FHIT: variants seen among roughly 807,000 people sequenced by gnomAD.
FHIT encodes the protein bis(5'-adenosyl)-triphosphatase.
Under a neutral mutation model 17.9 loss-of-function variants are expected in FHIT, and 19 were observed. The observed-to-expected ratio is 1.06, with a 90% CI of 0.74 to 1.56. FHIT has a LOEUF of 1.56. Among genes scored for constraint, FHIT ranks in the 40% most tolerant of loss-of-function variants. The pLI is 0.00. For missense variants in FHIT, 248 were observed against 189.2 expected (o/e 1.31, Z -1.82); for synonymous variants, 81 against 69.7 (o/e 1.16, Z -0.81).
At chr3:60,991,429 C>T (rs138136835) in intron 3 of FHIT, among the ~76,000 whole-genome samples, 2,557 of 152,262 alleles carry the variant, frequency 0.017, 28 homozygotes, top group Middle Eastern at 0.031. Flanking sequence ...GTTCAAATCT[C>T]GGAAATGATA....
chr3:60,310,036 C>A (rs538939831), intron 5 of FHIT, among the ~76,000 whole-genome samples: 2 of 152,248 alleles, frequency 1.3e-5, no homozygotes, highest in East Asian at 1.9e-4. Context: ...CACCTGCCTG[C>A]TGTCTGGAAT....
intron 5 of FHIT, among the ~76,000 whole-genome samples, chr3:60,302,188 C>T (rs1348225002): frequency 1.3e-5 from 2 of 152,006 alleles, no homozygotes; most frequent in African/African-American, 4.8e-5. Context: ...AGATATTGGT[C>T]ATTCTTTTTT....
intron 4 of FHIT, among the ~76,000 whole-genome samples, chr3:60,723,560 CTTG>C (rs2107969249): frequency 6.6e-6 from 1 of 152,322 alleles, no homozygotes; most frequent in Non-Finnish European, 1.5e-5. Context: ...ACACTTCAAA[CTTG>C]TTGTCGCAGC....
chr3:60,349,208 GCA>G, intron 5 of FHIT, among the ~76,000 whole-genome samples: 1 of 152,206 alleles, frequency 6.6e-6, no homozygotes, highest in Admixed American at 6.5e-5. Flanking sequence ...AAATTTGTAT[GCA>G]CAGTCTGAAT....
At chr3:60,143,066 T>C (rs1700105380) in intron 5 of FHIT, among the ~76,000 whole-genome samples, 1 of 152,140 alleles carries the variant, frequency 6.6e-6, no homozygotes, top group African/African-American at 2.4e-5. Flanking sequence ...TGCGGCACAA[T>C]TTTCAATATT....
chr3:59,928,407 T>C (rs748262925), intron 7 of FHIT, among the ~76,000 whole-genome samples: 39 of 152,244 alleles, frequency 2.6e-4, no homozygotes, highest in African/African-American at 8.2e-4. Context: ...ATCATCAAAA[T>C]TGTAAACTTT....
At chr3:61,147,304 A>G (rs1001972700) in intron 2 of FHIT, among the ~76,000 whole-genome samples, 7 of 152,068 alleles carry the variant, frequency 4.6e-5, no homozygotes, top group Non-Finnish European at 7.4e-5. Flanking sequence ...CTTAGGCGAG[A>G]TAATAACTAT....
At chr3:60,722,860 T>C (rs1716747) in intron 4 of FHIT, among the ~76,000 whole-genome samples, 60,180 of 151,626 alleles carry the variant, frequency 0.4, 12,524 homozygotes, top group African/African-American at 0.51. Context: ...GTAACTGAGA[T>C]TACAGGCAGG....
intron 4 of FHIT, among the ~76,000 whole-genome samples, chr3:60,591,466 C>A (rs1467635656): frequency 2.0e-5 from 3 of 152,062 alleles, no homozygotes; most frequent in African/African-American, 7.2e-5. Context: ...TAGTTCCAAG[C>A]AAAGTCCCCA....
At chr3:60,914,258 T>C (rs782463584) in intron 3 of FHIT, among the ~76,000 whole-genome samples, 10 of 152,216 alleles carry the variant, frequency 6.6e-5, no homozygotes, top group Non-Finnish European at 1.5e-4. Flanking sequence ...CTTGTTATAA[T>C]ACAATTGGTA....
chr3:60,490,671 C>CA (rs377411602), intron 5 of FHIT, among the ~76,000 whole-genome samples: 550 of 125,052 alleles, frequency 4.4e-3, no homozygotes, highest in African/African-American at 1.0e-2. Flanking sequence ...TGATTTGTAC[C>CA]AAAAAAAAAA....
chr3:60,052,795 A>G (rs1388497389), intron 5 of FHIT, among the ~76,000 whole-genome samples: 2 of 148,368 alleles, frequency 1.3e-5, no homozygotes, highest in Admixed American at 6.8e-5. Flanking sequence ...TATAAATAGT[A>G]TATAAAATAT....
At chr3:60,042,538 T>C (rs755336022) in intron 5 of FHIT, among the ~76,000 whole-genome samples, 22 of 152,150 alleles carry the variant, frequency 1.4e-4, no homozygotes, top group African/African-American at 2.7e-4. Flanking sequence ...GTCTTCTTGA[T>C]GGATTTCCTC....
At chr3:60,944,334 C>CTTTT (rs10625111) in intron 3 of FHIT, among the ~76,000 whole-genome samples, 2 of 150,222 alleles carry the variant, frequency 1.3e-5, no homozygotes, top group Non-Finnish European at 3.0e-5. Context: ...CTGAGTTTGT[C>CTTTT]TTTTTTTTTT....
intron 4 of FHIT, among the ~76,000 whole-genome samples, chr3:60,692,686 C>T (rs782765348): frequency 6.6e-6 from 1 of 152,162 alleles, no homozygotes; most frequent in Non-Finnish European, 1.5e-5. Context: ...AAACTTCTGA[C>T]CTCCCAAACT....
At chr3:60,205,243 G>C (rs1283519786) in intron 5 of FHIT, among the ~76,000 whole-genome samples, 1 of 152,152 alleles carries the variant, frequency 6.6e-6, no homozygotes, top group African/African-American at 2.4e-5. Flanking sequence ...TAGCCTTGAA[G>C]GGATTTCCTC....
intron 4 of FHIT, among the ~76,000 whole-genome samples, chr3:60,637,651 C>T (rs372677468): frequency 1.4e-4 from 22 of 152,232 alleles, no homozygotes; most frequent in East Asian, 3.9e-4. Context: ...AATTATCATT[C>T]CCATTTCATA....
chr3:61,001,365 C>T (rs764765385), intron 3 of FHIT, among the ~76,000 whole-genome samples: 6 of 152,144 alleles, frequency 3.9e-5, no homozygotes, highest in South Asian at 2.1e-4. Context: ...CATGAATGTT[C>T]GTAGCAGCTT....
At chr3:60,749,372 G>A (rs2042422413) in intron 4 of FHIT, among the ~76,000 whole-genome samples, 1 of 152,020 alleles carries the variant, frequency 6.6e-6, no homozygotes, top group Non-Finnish European at 1.5e-5. Flanking sequence ...ACCAACTCTG[G>A]GCTTCTGAGT....
Sources: allele counts gnomAD v4.1 joint callset (sites outside exome capture counted in the v4.1 genomes callset), GRCh38; gene constraint gnomAD v4.1.1; transcripts MANE v1.5; gene names NCBI Gene and HGNC (gene_info 2026-07-23, HGNC 2026-07-21).